ENPP3: variants seen among roughly 807,000 people sequenced by gnomAD.
The protein encoded by ENPP3 is ectonucleotide pyrophosphatase/phosphodiesterase 3.
ENPP3 carries 104 observed loss-of-function variants against 117.8 expected under a neutral mutation model. The ratio of observed to expected loss-of-function variants is 0.88; its 90% CI spans 0.75 to 1.04. The LOEUF is 1.04. Ranked by LOEUF, ENPP3 falls within the 50% of genes least tolerant of loss-of-function variation. The pLI is 0.00. For missense variants in ENPP3, 1,026 were observed against 1,051.9 expected, an observed-to-expected ratio of 0.98 and a Z score of 0.34; for synonymous variants, 380 against 349.9, an observed-to-expected ratio of 1.09 and a Z score of -0.96.
At chr6:131,734,058 C>T (rs1382000355) in intron 21 of ENPP3, among the ~76,000 whole-genome samples, 2 of 152,094 alleles carry the variant, frequency 1.3e-5, no homozygotes. Flanking sequence ...AGCTAAGGTC[C>T]ACCTGGAGAA....
At chr6:131,721,539 T>C (rs1360196635) in intron 17 of ENPP3, among the ~76,000 whole-genome samples, 1 of 149,658 alleles carries the variant, frequency 6.7e-6, no homozygotes, top group African/African-American at 2.5e-5. Context: ...TGGTGAAATA[T>C]TTGTATGTTT....
At chr6:131,648,833 C>T (rs1366840191) in intron 2 of ENPP3, among the ~76,000 whole-genome samples, 3 of 152,156 alleles carry the variant, frequency 2.0e-5, no homozygotes, top group Non-Finnish European at 4.4e-5. Context: ...ACACACTCCT[C>T]GCACAATAAG....
intron 17 of ENPP3, 90 bp downstream of exon 17, chr6:131,720,469 C>G (rs552574897): frequency 3.2e-6 from 2 of 618,878 alleles, no homozygotes; most frequent in East Asian, 5.7e-5. Context: ...ATCCCAGAGG[C>G]TGGATGCTCT....
intron 5 of ENPP3, among the ~76,000 whole-genome samples, chr6:131,654,315 T>A (rs1011147453): frequency 6.6e-6 from 1 of 151,768 alleles, no homozygotes; most frequent in African/African-American, 2.4e-5. Context: ...TTTTTTGTAT[T>A]TTTTTTGTAC....
rs34273961 is a variant in ENPP3, at chr6:131,745,264, A to ATT, written c.2458-1510_2458-1509dup. Among the ~76,000 whole-genome samples the ATT allele has an allele frequency of 7.1e-3, 1,032 of 146,348 alleles. 6 individuals carry two copies. The highest frequency in any genetic ancestry group is 0.024 in the African/African-American group (965 of 40,104). The stretch of plus-strand genomic sequence containing the variant: ...GAAAGAAATAACTCTAACATGGCGC[A>ATT]TTTTTTTTTTTTTAATATTAGCTCG... On this transcript the variant is annotated intron_variant, in intron 24 of 24. Coordinates refer to ENST00000357639, the MANE Select transcript of ENPP3 (RefSeq NM_005021.5).
At chr6:131,690,113 A>G (rs1779244037) in intron 14 of ENPP3, among the ~76,000 whole-genome samples, 1 of 152,218 alleles carries the variant, frequency 6.6e-6, no homozygotes, top group Non-Finnish European at 1.5e-5. Context: ...ACATTGTTGA[A>G]AAGACAACAA....
intron 16 of ENPP3, among the ~76,000 whole-genome samples, chr6:131,719,812 AGTAAAAGAGAG>A (rs1167729750): frequency 2.6e-5 from 4 of 152,182 alleles, no homozygotes; most frequent in Non-Finnish European, 5.9e-5. Context: ...TTATCCCAAA[AGTAAAAGAGAG>A]AAGTGTAAGT....
intron 2 of ENPP3, among the ~76,000 whole-genome samples, chr6:131,648,599 T>C (rs1341513967): frequency 6.6e-6 from 1 of 152,174 alleles, no homozygotes; most frequent in African/African-American, 2.4e-5. Context: ...CTAAAATAAA[T>C]ATTCATAGAA....
At chr6:131,653,104 A>G (rs919571792) in intron 5 of ENPP3, among the ~76,000 whole-genome samples, 2 of 152,140 alleles carry the variant, frequency 1.3e-5, no homozygotes, top group African/African-American at 4.8e-5. Flanking sequence ...TTAATTTATT[A>G]TATTCATGTC....
At chr6:131,680,253 C>T (rs1033467979) in intron 11 of ENPP3, among the ~76,000 whole-genome samples, 4 of 152,082 alleles carry the variant, frequency 2.6e-5, no homozygotes, top group Admixed American at 2.0e-4. Flanking sequence ...AGGAGATAGA[C>T]TTGGCATGAC....
At chr6:131,637,969 C>CT (rs968631592) in intron 1 of ENPP3, among the ~76,000 whole-genome samples, 1 of 138,522 alleles carries the variant, frequency 7.2e-6, no homozygotes, top group Non-Finnish European at 1.5e-5. Context: ...TTTCTTTTTT[C>CT]TTTTTTTTAA....
chr6:131,655,452 C>G (rs1778365507), intron 5 of ENPP3, among the ~76,000 whole-genome samples: 1 of 152,112 alleles, frequency 6.6e-6, no homozygotes, highest in African/African-American at 2.4e-5. Context: ...GGAAGCAAAC[C>G]CAGGCAGTAA....
At chr6:131,675,547 G>A (rs1389521885) in intron 9 of ENPP3, among the ~76,000 whole-genome samples, 1 of 152,118 alleles carries the variant, frequency 6.6e-6, no homozygotes, top group Admixed American at 6.5e-5. Context: ...TTCAAGTCCA[G>A]CCAGGTGCGG....
At chr6:131,725,384 G>C (rs1459310667) in intron 19 of ENPP3, among the ~76,000 whole-genome samples, 1 of 152,080 alleles carries the variant, frequency 6.6e-6, no homozygotes. Context: ...TCTGATGATG[G>C]CCTGATTCCT....
chr6:131,650,053 G>T lies in ENPP3; in HGVS notation c.181G>T (p.Ala61Ser). The T allele has an allele frequency of 6.2e-7, 1 of 1,613,988 alleles. No individual in the cohort carries two copies. Among genetic ancestry groups the T allele is most frequent in the East Asian group, 2.2e-5 (1 of 44,878 alleles). ...CAGCTGCAGGAAGAAGTGCTTTGAT[G>T]CATCATTTAGAGGACTGGAGAACTG... ...QGSCRKKCFD[A>S]SFRGLENCRC... Residue 61 changes from alanine to serine, a missense_variant, in exon 3 of 25, where the codon GCA becomes TCA. Ala to Ser is a moderately conservative substitution (Grantham distance 99). Coordinates refer to ENST00000357639, the MANE Select transcript of ENPP3 (RefSeq NM_005021.5).
chr6:131,648,120 GATC>G (rs561636123), intron 2 of ENPP3, among the ~76,000 whole-genome samples: 56 of 151,744 alleles, frequency 3.7e-4, no homozygotes, highest in Middle Eastern at 3.4e-3. Context: ...AGTAAAAAAT[GATC>G]ATATTTTTCT....
intron 23 of ENPP3, among the ~76,000 whole-genome samples, chr6:131,739,592 GCT>G (rs1780479631): frequency 8.9e-6 from 1 of 112,910 alleles, no homozygotes; most frequent in African/African-American, 3.6e-5. Context: ...ATCATGCTCT[GCT>G]TTTTTTTTTT....
chr6:131,643,233 T>C (rs1056470256), intron 2 of ENPP3, among the ~76,000 whole-genome samples: 1 of 152,212 alleles, frequency 6.6e-6, no homozygotes, highest in Non-Finnish European at 1.5e-5. Context: ...CAAAGAAATG[T>C]TGACAGGCCA....
rs771587501 is a variant in ENPP3, at chr6:131,685,470, T to A, written c.1227T>A (p.His409Gln). 6.2e-7 allele frequency: 1 copy of A among 1,613,926 alleles called. No homozygotes were observed. The highest frequency in any genetic ancestry group is 1.1e-5 in the South Asian group (1 of 91,036). ...GGCCTGCCCCCCGCATCCGAGCTCA[T>A]AATATACCTCATGACTTTTTTAGTT... ...YEGPAPRIRA[H>Q]NIPHDFFSFN... Residue 409 changes from histidine to glutamine, a missense_variant, in exon 13 of 25, where the codon CAT (histidine) becomes CAA (glutamine). His to Gln is a conservative substitution (Grantham distance 24, BLOSUM62 0). Transcript: ENST00000357639.
Sources: allele counts gnomAD v4.1 joint callset (sites outside exome capture counted in the v4.1 genomes callset), GRCh38; gene constraint gnomAD v4.1.1; transcripts MANE v1.5; gene names NCBI Gene and HGNC (gene_info 2026-07-23, HGNC 2026-07-21).